The following MFF variants were observed in gnomAD, a reference collection of about 807,000 sequenced individuals.
MFF encodes the protein chromosome 2 open reading frame 33.
Under a neutral mutation model 36.9 loss-of-function variants are expected in MFF, and 12 were observed. The ratio of observed to expected loss-of-function variants is 0.33; its 90% CI spans 0.21 to 0.53. MFF has a LOEUF of 0.53. MFF is among the 20% of genes least tolerant of loss of function. The pLI, the probability that MFF is intolerant of heterozygous loss-of-function variation, is 0.95. For synonymous variants in MFF, 99 were observed against 126.2 expected, an observed-to-expected ratio of 0.78 and a Z score of 1.44; for missense variants, 348 against 366.6, an observed-to-expected ratio of 0.95 and a Z score of 0.42.
chr2:227,338,092 G>C (rs1187566014), intron 4 of MFF, among the ~76,000 whole-genome samples: 1 of 151,862 alleles, frequency 6.6e-6, no homozygotes, highest in Non-Finnish European at 1.5e-5. Flanking sequence ...TCCAGGCCGG[G>C]CATGGTGGCT....
intron 5 of MFF, among the ~76,000 whole-genome samples, chr2:227,343,727 T>C (rs2075550313): frequency 6.6e-6 from 1 of 152,198 alleles, no homozygotes; most frequent in Non-Finnish European, 1.5e-5. Context: ...ATGATATAGT[T>C]ATGCCAAGTA....
In MFF at chr2:227,340,759, T is replaced by C. The variant is rs565919129; in HGVS notation, c.440+379T>C. Among the ~76,000 whole-genome samples, 7 of 152,336 alleles carry C rather than the reference T, an allele frequency of 4.6e-5. No individual in the cohort carries two copies. In the East Asian group the frequency reaches 1.3e-3, roughly 29 times the overall value. ...TTGAATTTTTTGGTCCTTTTCATTT[T>C]CAGAACATACAAGTATGTTGTTTAA... On this transcript the variant is annotated intron_variant, in intron 5 of 8. Transcript: ENST00000304593.
At chr2:227,328,221 A>T (rs1443433878) in intron 1 of MFF, among the ~76,000 whole-genome samples, 1 of 150,536 alleles carries the variant, frequency 6.6e-6, no homozygotes, top group Non-Finnish European at 1.5e-5. Context: ...AAATACAAAA[A>T]TTAGCTGGGT....
chr2:227,343,720 A>G (rs544840195), intron 5 of MFF, among the ~76,000 whole-genome samples: 2 of 152,282 alleles, frequency 1.3e-5, no homozygotes, highest in African/African-American at 4.8e-5. Flanking sequence ...TTTAATAATG[A>G]TATAGTTATG....
Position 227,339,077 on chromosome 2 carries a change from C to T in MFF, c.352-1215C>T, listed in dbSNP as rs533983369. ...ATTAGCCAGGTGCGGTGGTGTGTGC[C>T]TATAGTCCCAGCTACTTCAGAGGCT... On this transcript the variant is annotated intron_variant, in intron 4 of 8. Transcript: ENST00000304593. Among the ~76,000 whole-genome samples the T allele has an allele frequency of 1.5e-4, 23 of 151,596 alleles. No individual in the cohort carries two copies. The South Asian group carries it at 4.8e-3, about 32-fold the overall frequency.
intron 2 of MFF, chr2:227,329,458 A>G (rs1226974952): frequency 3.0e-6 from 1 of 329,410 alleles, no homozygotes; most frequent in African/African-American, 2.2e-5. Flanking sequence ...AACTCTTCTT[A>G]GGATAGATTT....
At chr2:227,326,874 T>C (rs919738909) in intron 1 of MFF, among the ~76,000 whole-genome samples, 3 of 152,194 alleles carry the variant, frequency 2.0e-5, no homozygotes, top group Admixed American at 2.0e-4. Context: ...CTCAAGTTGT[T>C]TCGGTGACTT....
intron 7 of MFF, among the ~76,000 whole-genome samples, chr2:227,354,770 G>T (rs1379916880): frequency 6.6e-6 from 1 of 152,024 alleles, no homozygotes; most frequent in Admixed American, 6.6e-5. Flanking sequence ...TTCATTATTG[G>T]GCCAATTCTG....
At chr2:227,327,366 C>T (rs1382520312) in intron 1 of MFF, among the ~76,000 whole-genome samples, 1 of 151,990 alleles carries the variant, frequency 6.6e-6, no homozygotes, top group African/African-American at 2.4e-5. Context: ...CATATCAACA[C>T]CAAATGAGAC....
intron 1 of MFF, among the ~76,000 whole-genome samples, chr2:227,328,200 G>T (rs753864451): frequency 1.4e-5 from 2 of 147,014 alleles, no homozygotes; most frequent in Non-Finnish European, 3.0e-5. Context: ...ATAAGACCCT[G>T]TCTCAACAAA....
Position 227,329,793 on chromosome 2 carries a change from A to G in MFF, c.-40-833A>G, listed in dbSNP as rs750961619. 9.4e-6 allele frequency: 14 copies of G among 1,489,314 alleles called. No homozygotes were observed. Among genetic ancestry groups the G allele is most frequent in the Non-Finnish European group, 1.3e-5 (14 of 1,103,832 alleles). The allele number at this position is 1,489,314 out of a possible 1,614,324, so 92.3% of individuals were successfully genotyped here. On this transcript the variant is annotated intron_variant, in intron 2 of 8. Coordinates refer to ENST00000304593, the MANE Select transcript of MFF (RefSeq NM_001277062.2). ...ACACATCACTAGGAAGGTCAGTGAA[A>G]TTTTATTCAGTTGAGCTGGTATTAT...
intron 1 of MFF, among the ~76,000 whole-genome samples, chr2:227,328,169 G>A (rs1994): frequency 0.72 from 109,968 of 151,900 alleles, 40,865 homozygotes; most frequent in South Asian, 0.84. Flanking sequence ...CTAGGAGTTT[G>A]AGATCAGCCT....
At chr2:227,352,379 G>A in intron 6 of MFF, 135 bp from the exon 7 acceptor site, 1 of 644,514 alleles carries the variant, frequency 1.6e-6, no homozygotes, top group Non-Finnish European at 2.8e-6. Flanking sequence ...TAAAGTAGTT[G>A]AGAGATATTA....
At position 227,357,164 on chromosome 2, in the gene MFF, A is replaced by G. The variant is rs1462880685; in HGVS notation, c.*47A>G. 3 of 1,584,692 alleles carry G rather than the reference A, an allele frequency of 1.9e-6. No homozygotes were observed. Among genetic ancestry groups the G allele is most frequent in the Non-Finnish European group, 2.6e-6 (3 of 1,167,338 alleles). On this transcript the variant is annotated 3_prime_UTR_variant, in exon 9 of 9. Coordinates refer to ENST00000304593, the MANE Select transcript of MFF (RefSeq NM_001277062.2). ...ATACTGTCTCAACAGCTGGAAATAT[A>G]AAAGATTTGCAAACTTCTTTGTTTC...
chr2:227,338,391 A>G (rs983475846), intron 4 of MFF, among the ~76,000 whole-genome samples: 4 of 151,790 alleles, frequency 2.6e-5, no homozygotes, highest in African/African-American at 9.7e-5. Context: ...AAAGAAAAGA[A>G]AAACATCCAC....
rs773267788 is a variant in MFF at position 227,330,761 on chromosome 2, A to T, written c.96A>T (p.Pro32=). 13 of 1,614,130 alleles carry T rather than the reference A, an allele frequency of 8.1e-6. No individual in the cohort carries two copies. In the South Asian group the frequency reaches 1.4e-4, roughly 18 times the overall value. ...RVPEKLKVAP[P]NADLEQGFQE... ...CAGAAAAGTTAAAAGTAGCACCGCCAAACGCTGACCTGGAACAAGGATTCC... is the reference window on the plus strand; with the variant it reads ...CAGAAAAGTTAAAAGTAGCACCGCCTAACGCTGACCTGGAACAAGGATTCC... Residue 32 remains proline, a synonymous_variant, in exon 3 of 9, where the codon CCA becomes CCT. Transcript: ENST00000304593.
At chr2:227,326,472 A>C (rs186718507) in intron 1 of MFF, among the ~76,000 whole-genome samples, 41 of 152,272 alleles carry the variant, frequency 2.7e-4, no homozygotes, top group African/African-American at 7.9e-4. Context: ...GGGACCTTCT[A>C]TCTTTTGGTT....
intron 4 of MFF, among the ~76,000 whole-genome samples, chr2:227,339,036 T>C (rs1234559812): frequency 6.6e-6 from 1 of 151,704 alleles, no homozygotes; most frequent in East Asian, 1.9e-4. Context: ...AACCCCCATC[T>C]CTACAAAATA....
At chr2:227,335,964 C>G (rs897601079) in intron 4 of MFF, among the ~76,000 whole-genome samples, 1 of 152,174 alleles carries the variant, frequency 6.6e-6, no homozygotes, top group Non-Finnish European at 1.5e-5. Context: ...GCATGAAATA[C>G]AAAATGCCCA....
Sources: gnomAD v4.1 joint callset for allele counts (sites outside exome capture counted in the v4.1 genomes callset) on GRCh38, gnomAD v4.1.1 for gene constraint, MANE v1.5 for transcripts, NCBI Gene and HGNC (gene_info 2026-07-23, HGNC 2026-07-21) for gene names.